ASTN1: variants seen among roughly 807,000 people sequenced by gnomAD.
ASTN1 encodes astrotactin 1.
ASTN1 carries 41 observed loss-of-function variants against 140.7 expected under a neutral mutation model. The ratio of observed to expected loss-of-function variants is 0.29; its 90% CI spans 0.23 to 0.38. The LOEUF (loss-of-function observed/expected upper bound fraction) is 0.38, where lower values mean the gene tolerates loss of function less well. Among genes scored for constraint, ASTN1 ranks in the 10% least tolerant of loss-of-function variants. The probability of loss-of-function intolerance (pLI) is 1.00; values close to 1 mark genes in which losing one functional copy is unlikely to be tolerated. For synonymous variants in ASTN1, 640 were observed against 652.2 expected (o/e 0.98, Z 0.29); for missense variants, 1,479 against 1,678.8 (o/e 0.88, Z 2.08).
At position 176,862,312 on chromosome 1, in the gene ASTN1, C is replaced by G; in HGVS notation, c.*1972G>C. On this transcript the variant is annotated 3_prime_UTR_variant, in exon 23 of 23. Transcript: ENST00000361833. ...GAGAGGAGAGTGAAACCACCCTGTG[C>G]TTTATCTCAGCCTCATCACAGGCTT... 1 of 985,464 alleles carries G rather than the reference C, an allele frequency of 1.0e-6. No individual in the cohort carries two copies. Among genetic ancestry groups the G allele is most frequent in the Non-Finnish European group, 1.2e-6 (1 of 829,980 alleles). 61.0% of individuals were successfully genotyped at this position (985,464 alleles called of 1,614,324 possible). A position where few individuals can be genotyped will look rare whatever the true frequency, so the allele number is the denominator to read the frequency against.
intron 1 of ASTN1, among the ~76,000 whole-genome samples, chr1:177,074,761 T>C (rs981538027): frequency 6.6e-6 from 1 of 152,230 alleles, no homozygotes; most frequent in African/African-American, 2.4e-5. Flanking sequence ...TAACTATTTT[T>C]ATCTGGTTGC....
intron 5 of ASTN1, among the ~76,000 whole-genome samples, chr1:177,027,137 C>T (rs1558040901): frequency 6.6e-6 from 1 of 152,172 alleles, no homozygotes; most frequent in Non-Finnish European, 1.5e-5. Flanking sequence ...CCACAGAAGG[C>T]CATTTTGTCA....
chr1:177,156,908 A>G (rs1683260723), intron 1 of ASTN1, among the ~76,000 whole-genome samples: 1 of 152,234 alleles, frequency 6.6e-6, no homozygotes, highest in South Asian at 2.1e-4. Flanking sequence ...CAGTCTAATC[A>G]TGAGAAAAAC....
At chr1:177,068,749 C>T (rs1678486838) in intron 1 of ASTN1, among the ~76,000 whole-genome samples, 1 of 151,490 alleles carries the variant, frequency 6.6e-6, no homozygotes, top group African/African-American at 2.4e-5. Flanking sequence ...GGATAAATGT[C>T]TTTGCAGAAA....
At chr1:177,121,492 T>C (rs1266138393) in intron 1 of ASTN1, among the ~76,000 whole-genome samples, 2 of 152,126 alleles carry the variant, frequency 1.3e-5, no homozygotes, top group African/African-American at 4.8e-5. Context: ...CCTCTTTCTA[T>C]AGATGAGAAT....
chr1:176,882,900 G>A lies in ASTN1; in HGVS notation c.3321C>T (p.Ile1107=). 6.2e-7 allele frequency: 1 copy of A among 1,614,172 alleles called. No homozygotes were observed. The highest frequency in any genetic ancestry group is 8.5e-7 in the Non-Finnish European group (1 of 1,180,020). The change falls in exon 20 of 23, where the codon ATC becomes ATT. Residue 1107 remains isoleucine, a synonymous_variant. Transcript: ENST00000361833. ...SQVPDKQLTT[I]SLIIRCLEPD... ...GTTCCAGGCATCGTATGATCAGAGAGATGGTGGTGAGCTGCTTGTCCGGCA... is the reference window on the plus strand; with the variant it reads ...GTTCCAGGCATCGTATGATCAGAGAAATGGTGGTGAGCTGCTTGTCCGGCA...
At chr1:177,061,411 G>T in intron 1 of ASTN1, 146 bp from the exon 2 acceptor site, 2 of 648,620 alleles carry the variant, frequency 3.1e-6, no homozygotes, top group Non-Finnish European at 4.7e-6. Context: ...AGATTTTACT[G>T]CTACTCCAAA....
intron 1 of ASTN1, among the ~76,000 whole-genome samples, chr1:177,064,715 A>G (rs149353345): frequency 6.6e-6 from 1 of 152,378 alleles, no homozygotes; most frequent in African/African-American, 2.4e-5. Flanking sequence ...AGAGGGCACC[A>G]TGCCTACCAA....
chr1:177,050,260 A>T (rs1026951545), intron 2 of ASTN1, among the ~76,000 whole-genome samples: 48 of 152,164 alleles, frequency 3.2e-4, no homozygotes, highest in Non-Finnish European at 1.3e-4. Context: ...TGGATCTCTC[A>T]TATAGCCCTA....
intron 1 of ASTN1, among the ~76,000 whole-genome samples, chr1:177,099,352 G>A (rs1307113937): frequency 2.6e-5 from 4 of 151,852 alleles, no homozygotes; most frequent in African/African-American, 9.7e-5. Context: ...TGTACAGGCG[G>A]TTAAAAAATC....
At chr1:176,933,154 C>T (rs1671280142) in intron 16 of ASTN1, among the ~76,000 whole-genome samples, 1 of 152,174 alleles carries the variant, frequency 6.6e-6, no homozygotes, top group Non-Finnish European at 1.5e-5. Context: ...AAGTGCCCAG[C>T]CAGAGGAGAG....
At chr1:177,074,722 C>T (rs1282633670) in intron 1 of ASTN1, among the ~76,000 whole-genome samples, 1 of 152,150 alleles carries the variant, frequency 6.6e-6, no homozygotes, top group African/African-American at 2.4e-5. Flanking sequence ...TCATGATGCA[C>T]GTATGTGTTT....
At chr1:176,873,441 T>C (rs1668431661) in intron 21 of ASTN1, among the ~76,000 whole-genome samples, 2 of 152,148 alleles carry the variant, frequency 1.3e-5, no homozygotes, top group Admixed American at 1.3e-4. Flanking sequence ...AGAGAAAGTA[T>C]CTAGTTTAGG....
chr1:177,154,962 T>C (rs1683180185), intron 1 of ASTN1, among the ~76,000 whole-genome samples: 1 of 152,176 alleles, frequency 6.6e-6, no homozygotes, highest in African/African-American at 2.4e-5. Flanking sequence ...ACAACCAAGA[T>C]GTTTTTCAAT....
intron 16 of ASTN1, among the ~76,000 whole-genome samples, chr1:176,906,857 A>AAG (rs1340900329): frequency 3.2e-4 from 48 of 151,586 alleles, no homozygotes; most frequent in African/African-American, 1.1e-3. Flanking sequence ...AAAAAAAAAA[A>AAG]AAAGAAAAAA....
chr1:176,868,574 T>A (rs1668214443), intron 22 of ASTN1, among the ~76,000 whole-genome samples: 1 of 152,198 alleles, frequency 6.6e-6, no homozygotes, highest in African/African-American at 2.4e-5. Flanking sequence ...TGGAATGCAA[T>A]GTCAACATGA....
chr1:177,045,917 G>C (rs1677197895), intron 2 of ASTN1, among the ~76,000 whole-genome samples: 1 of 142,722 alleles, frequency 7.0e-6, no homozygotes, highest in African/African-American at 2.6e-5. Context: ...ACAGACACAT[G>C]CTTTACAAAG....
At chr1:176,887,025 A>T (rs772630767) in intron 18 of ASTN1, among the ~76,000 whole-genome samples, 3 of 152,118 alleles carry the variant, frequency 2.0e-5, no homozygotes, top group Non-Finnish European at 4.4e-5. Flanking sequence ...AGGGGAAGGA[A>T]ATTGGGCATG....
intron 1 of ASTN1, among the ~76,000 whole-genome samples, chr1:177,081,106 T>C (rs1679159579): frequency 6.6e-6 from 1 of 152,178 alleles, no homozygotes; most frequent in Non-Finnish European, 1.5e-5. Context: ...ACAAGGTAAC[T>C]TTTATAGAGA....
Sources: gnomAD v4.1 joint callset for allele counts (sites outside exome capture counted in the v4.1 genomes callset) on GRCh38, gnomAD v4.1.1 for gene constraint, MANE v1.5 for transcripts, NCBI Gene and HGNC (gene_info 2026-07-23, HGNC 2026-07-21) for gene names.